The following FBN2 variants were observed in gnomAD, a reference collection of about 807,000 sequenced individuals.
FBN2 encodes the protein fibrillin 2.
In FBN2, 105 loss-of-function variants were observed where a neutral mutation model predicts 355.6. The observed-to-expected ratio is 0.30, with a 90% CI of 0.25 to 0.35. The LOEUF (loss-of-function observed/expected upper bound fraction) is 0.35, where lower values mean the gene tolerates loss of function less well. Ranked by LOEUF, FBN2 falls within the 10% of genes least tolerant of loss-of-function variation. The probability of loss-of-function intolerance (pLI) is 1.00; values close to 1 mark genes in which losing one functional copy is unlikely to be tolerated. For synonymous variants in FBN2, 1,350 were observed against 1,301.2 expected (o/e 1.04, Z -0.81); for missense variants, 3,280 against 3,758.7 (o/e 0.87, Z 3.33).
chr5:128,493,726 A>G (rs1184184921), intron 5 of FBN2, among the ~76,000 whole-genome samples: 1 of 152,332 alleles, frequency 6.6e-6, no homozygotes, highest in African/African-American at 2.4e-5. Flanking sequence ...TGACTGCTAC[A>G]TGGTCTAAGA....
chr5:128,528,014 TTATAG>T, intron 3 of FBN2, 47 bp from the exon 4 acceptor site: 1 of 1,213,824 alleles, frequency 8.2e-7, no homozygotes. Context: ...GTCATCAAAA[TTATAG>T]TATATGTGAG....
rs1372437266 is a variant in FBN2 at position 128,300,869 on chromosome 5, G to T, written c.6114C>A (p.Ser2038=). The change falls in exon 48 of 65, where the codon TCC becomes TCA. Residue 2038 remains serine (S), a synonymous_variant. Transcript: ENST00000262464. ...ACCCTGGGGGACAGATGCATCTGAA[G>T]GATCCCTCCAAATTCTGACAGGTAC... ...SPGTCQNLEG[S]FRCICPPGYE... 1 of 1,613,904 alleles carries T rather than the reference G, an allele frequency of 6.2e-7. No individual in the cohort carries two copies. The highest frequency in any genetic ancestry group is 1.7e-5 in the Admixed American group (1 of 60,024).
In FBN2 at chr5:128,291,604, T is replaced by C; in HGVS notation, c.6217A>G (p.Thr2073Ala). Residue 2073 changes from threonine (T) to alanine (A), a missense_variant, in exon 49 of 65, where the codon ACT (threonine) becomes GCT (alanine). Thr to Ala is a moderately conservative substitution (Grantham distance 58). This residue lies in a region of FBN2 where 2,284 missense variants were observed against 2,749.5 expected (regional missense o/e 0.83). Transcript: ENST00000262464. Reference sequence around the variant, plus strand: ...CACTGGAAGCCCCCTGGAGTATTAGTACAGGAACCAAAAAGACAAATGTTG... The same window carrying C: ...CACTGGAAGCCCCCTGGAGTATTAGCACAGGAACCAAAAAGACAAATGTTG... ...DPNICLFGSC[T>A]NTPGGFQCLC... 6.2e-7 allele frequency: 1 copy of C among 1,613,560 alleles called. No individual in the cohort carries two copies. Among genetic ancestry groups the C allele is most frequent in the Non-Finnish European group, 8.5e-7 (1 of 1,179,554 alleles).
intron 64 of FBN2, among the ~76,000 whole-genome samples, chr5:128,260,881 G>T (rs1050210422): frequency 1.3e-5 from 2 of 152,176 alleles, no homozygotes; most frequent in African/African-American, 4.8e-5. Context: ...TAACTGCAGA[G>T]AGTGGTGAGT....
chr5:128,494,026 G>A (rs1250575504), intron 5 of FBN2, among the ~76,000 whole-genome samples: 2 of 152,118 alleles, frequency 1.3e-5, no homozygotes, highest in Non-Finnish European at 2.9e-5. Flanking sequence ...CTTTGTTTAC[G>A]CAAGCAATAG....
At chr5:128,408,576 C>A in intron 8 of FBN2, 98 bp downstream of exon 8, 1 of 1,408,348 alleles carries the variant, frequency 7.1e-7, no homozygotes, top group Non-Finnish European at 1.0e-6. Flanking sequence ...TCAGCCATTT[C>A]TTCAATATTT....
chr5:128,277,955 T>C lies in FBN2; in HGVS notation c.7396A>G (p.Ile2466Val), dbSNP rs373370945. 20 of 1,613,848 alleles carry C rather than the reference T, an allele frequency of 1.2e-5. No homozygotes were observed. Among genetic ancestry groups the C allele is most frequent in the Admixed American group, 3.3e-5 (2 of 59,988 alleles). ...CATCGGAATGAGCCCATGGTATTGA[T>C]GCACTGACCATTGGTGCAGAGGTTT... is the stretch of plus-strand genomic sequence containing the variant. Reference protein sequence around the residue: ...MPNLCTNGQCINTMGSFRCFC... With the variant: ...MPNLCTNGQCVNTMGSFRCFC... The change falls in exon 58 of 65, where the codon ATC becomes GTC. Residue 2466 changes from isoleucine to valine, a missense_variant. By Grantham distance (29) the Ile-to-Val change is conservative (BLOSUM62 3). Transcript: ENST00000262464.
At chr5:128,342,488 G>A (rs548088181) in intron 25 of FBN2, among the ~76,000 whole-genome samples, 29 of 152,180 alleles carry the variant, frequency 1.9e-4, no homozygotes, top group African/African-American at 7.0e-4. Context: ...CTTACCAGCA[G>A]GAAAACGGGA....
chr5:128,526,850 A>C (rs1756574193), intron 4 of FBN2, among the ~76,000 whole-genome samples: 2 of 152,180 alleles, frequency 1.3e-5, no homozygotes, highest in South Asian at 4.1e-4. Flanking sequence ...ATGCCACTGA[A>C]CTATACACTT....
At chr5:128,344,852 C>T (rs1751127975) in intron 24 of FBN2, among the ~76,000 whole-genome samples, 1 of 152,128 alleles carries the variant, frequency 6.6e-6, no homozygotes, top group Non-Finnish European at 1.5e-5. Context: ...AGGCGCGAGC[C>T]ACCACGCCCG....
chr5:128,415,949 T>C (rs1753183602), intron 7 of FBN2, among the ~76,000 whole-genome samples: 1 of 152,176 alleles, frequency 6.6e-6, no homozygotes, highest in African/African-American at 2.4e-5. Context: ...TCTCTCATGA[T>C]TAGTAATACT....
chr5:128,396,666 T>C (rs578088823), intron 8 of FBN2, among the ~76,000 whole-genome samples: 1 of 152,358 alleles, frequency 6.6e-6, no homozygotes, highest in African/African-American at 2.4e-5. Context: ...AAATGCAAAG[T>C]TGCATAGGGA....
At chr5:128,314,509 G>A (rs1041487158) in intron 36 of FBN2, among the ~76,000 whole-genome samples, 1 of 151,822 alleles carries the variant, frequency 6.6e-6, no homozygotes, top group Non-Finnish European at 1.5e-5. Flanking sequence ...GTAGAGACGG[G>A]GTTTCACCAT....
At chr5:128,333,192 CAA>C (rs1191264601) in intron 31 of FBN2, among the ~76,000 whole-genome samples, 158 bp from the exon 32 acceptor site, 1 of 152,122 alleles carries the variant, frequency 6.6e-6, no homozygotes, top group Admixed American at 6.6e-5. Context: ...TTGTAGGCTC[CAA>C]GAGGACTTGG....
intron 41 of FBN2, among the ~76,000 whole-genome samples, chr5:128,308,571 C>T (rs962264557): frequency 4.6e-5 from 7 of 152,036 alleles, no homozygotes; most frequent in Admixed American, 1.3e-4. Flanking sequence ...TTAAAAGTTG[C>T]CATTCTCCAG....
At chr5:128,317,586 T>C (rs1750241051) in intron 36 of FBN2, among the ~76,000 whole-genome samples, 2 of 152,256 alleles carry the variant, frequency 1.3e-5, no homozygotes, top group South Asian at 2.1e-4. Context: ...CATTTCCTTC[T>C]CTAGGAAAAT....
At chr5:128,450,076 A>G (rs1485549541) in intron 6 of FBN2, among the ~76,000 whole-genome samples, 5 of 152,070 alleles carry the variant, frequency 3.3e-5, no homozygotes, top group African/African-American at 1.2e-4. Context: ...GAAATAGATA[A>G]CCTGCAAGTA....
rs544038263 is a variant in FBN2 at position 128,344,642 on chromosome 5, C to G, written c.3218-132G>C. 23 of 775,620 alleles carry G rather than the reference C, an allele frequency of 3.0e-5. No homozygotes were observed. The East Asian group carries it at 5.7e-4, about 19-fold the overall frequency. The allele number at this position is 775,620 out of a possible 1,614,324, so 48.0% of individuals were successfully genotyped here. A position where few individuals can be genotyped will look rare whatever the true frequency, so the allele number is the denominator to read the frequency against. On this transcript the variant is annotated intron_variant, in intron 24 of 64. Transcript: ENST00000262464. Reference sequence around the variant, plus strand: ...TAAAAAACAGGGCTACTAAATGTTTCAGTGATCACACTGATATCACACAGG... The same window carrying G: ...TAAAAAACAGGGCTACTAAATGTTTGAGTGATCACACTGATATCACACAGG...
rs372611643 is a variant in FBN2, at chr5:128,361,893, T to C, written c.2429-45A>G. On this transcript the variant is annotated intron_variant, in intron 18 of 64. Coordinates refer to ENST00000262464, the MANE Select transcript of FBN2 (RefSeq NM_001999.4). The stretch of plus-strand genomic sequence containing the variant: ...GATAGGAGATACACATATTTAAGCA[T>C]CTATTACAGTGGGCAGCAATGTTTA... 11 of 1,580,806 alleles carry C rather than the reference T, an allele frequency of 7.0e-6. No individual in the cohort carries two copies. In the African/African-American group the frequency reaches 1.5e-4, roughly 21 times the overall value.
Sources: gnomAD v4.1 joint callset for allele counts (sites outside exome capture counted in the v4.1 genomes callset) on GRCh38, gnomAD v4.1.1 for gene constraint, gnomAD v4.1.1 regional missense constraint, MANE v1.5 for transcripts, NCBI Gene and HGNC (gene_info 2026-07-23, HGNC 2026-07-21) for gene names.